PRKG1: variants seen among roughly 807,000 people sequenced by gnomAD.
PRKG1 encodes protein kinase cGMP-dependent 1, also known as cGMP-dependent protein kinase 1.
Under a neutral mutation model 88.1 loss-of-function variants are expected in PRKG1, and 35 were observed. The observed-to-expected ratio is 0.40, with a 90% CI of 0.30 to 0.53. The LOEUF (loss-of-function observed/expected upper bound fraction) is 0.53. Among genes scored for constraint, PRKG1 ranks in the 20% least tolerant of loss-of-function variants. The pLI is 0.59. For missense variants in PRKG1, 540 were observed against 839.8 expected (o/e 0.64, Z 4.41); for synonymous variants, 303 against 292.5 (o/e 1.04, Z -0.37).
chr10:51,037,227 TG>T (rs1221875444), intron 1 of PRKG1, among the ~76,000 whole-genome samples: 1 of 151,384 alleles, frequency 6.6e-6, no homozygotes, highest in Non-Finnish European at 1.5e-5. Flanking sequence ...GCAGGAGGAT[TG>T]TTTGAGTCCA....
chr10:51,716,821 T>C (rs934237703), intron 3 of PRKG1, among the ~76,000 whole-genome samples: 59 of 152,126 alleles, frequency 3.9e-4, no homozygotes, highest in African/African-American at 1.4e-3. Flanking sequence ...GCCTCCCAAG[T>C]GACTGGGATT....
chr10:51,909,341 CA>C (rs2132950585), intron 5 of PRKG1: 1 of 151,984 alleles, frequency 6.6e-6, no homozygotes, highest in African/African-American at 2.4e-5. Flanking sequence ...TCTGTGGGAC[CA>C]AATGCGGATG....
At chr10:51,220,376 T>C (rs998663992) in intron 2 of PRKG1, among the ~76,000 whole-genome samples, 7 of 152,200 alleles carry the variant, frequency 4.6e-5, no homozygotes, top group Non-Finnish European at 8.8e-5. Flanking sequence ...GCCACTAGGT[T>C]TCCATGAATT....
At chr10:51,561,295 A>C (rs1837454749) in intron 3 of PRKG1, among the ~76,000 whole-genome samples, 1 of 151,896 alleles carries the variant, frequency 6.6e-6, no homozygotes, top group Non-Finnish European at 1.5e-5. Context: ...ATGCCACTGC[A>C]CTCCAGCCTG....
At chr10:51,238,162 T>C (rs983576829) in intron 2 of PRKG1, among the ~76,000 whole-genome samples, 29 of 152,326 alleles carry the variant, frequency 1.9e-4, no homozygotes, top group African/African-American at 6.0e-4. Context: ...TCTTTTTCAC[T>C]GTAGCCAGGA....
At chr10:51,190,551 A>T (rs1025630957) in intron 2 of PRKG1, among the ~76,000 whole-genome samples, 2 of 151,860 alleles carry the variant, frequency 1.3e-5, no homozygotes, top group African/African-American at 4.8e-5. Flanking sequence ...CTAAAAAAAG[A>T]CCTAAAGAAC....
intron 3 of PRKG1, among the ~76,000 whole-genome samples, chr10:51,712,552 T>A (rs1206337425): frequency 6.6e-6 from 1 of 151,932 alleles, no homozygotes; most frequent in Non-Finnish European, 1.5e-5. Context: ...CTGTCTTTTT[T>A]ATAAATGTTG....
At chr10:51,363,158 T>C (rs1423546859) in intron 2 of PRKG1, among the ~76,000 whole-genome samples, 1 of 151,682 alleles carries the variant, frequency 6.6e-6, no homozygotes, top group Non-Finnish European at 1.5e-5. Context: ...ATGACAATCA[T>C]TGAATATTTT....
intron 3 of PRKG1, among the ~76,000 whole-genome samples, chr10:51,721,970 G>T (rs1483272049): frequency 6.6e-6 from 1 of 152,128 alleles, no homozygotes; most frequent in Non-Finnish European, 1.5e-5. Context: ...GGTGGCTTAC[G>T]CCTGTAATCC....
intron 9 of PRKG1, among the ~76,000 whole-genome samples, chr10:52,166,213 T>A (rs940141738): frequency 1.5e-5 from 2 of 132,370 alleles, no homozygotes; most frequent in Non-Finnish European, 3.2e-5. Context: ...ATTGATAATA[T>A]GTATTCATTC....
At chr10:51,691,118 G>A (rs189592674) in intron 3 of PRKG1, among the ~76,000 whole-genome samples, 48 of 150,580 alleles carry the variant, frequency 3.2e-4, no homozygotes, top group Non-Finnish European at 5.0e-4. Flanking sequence ...GCAAACATTT[G>A]TGGGCTAAAT....
chr10:51,293,030 C>T (rs970350062), intron 2 of PRKG1, among the ~76,000 whole-genome samples: 2 of 152,036 alleles, frequency 1.3e-5, no homozygotes, highest in Non-Finnish European at 2.9e-5. Context: ...TACATATTTG[C>T]TCTTACTTCT....
chr10:51,585,717 C>A (rs573574775), intron 3 of PRKG1, among the ~76,000 whole-genome samples: 1 of 152,170 alleles, frequency 6.6e-6, no homozygotes, highest in African/African-American at 2.4e-5. Context: ...TGGAATCAAC[C>A]TAGGAGCCCA....
intron 4 of PRKG1, among the ~76,000 whole-genome samples, chr10:51,855,731 A>G (rs894468467): frequency 1.4e-4 from 22 of 152,208 alleles, no homozygotes; most frequent in Non-Finnish European, 1.5e-5. Flanking sequence ...TACTACTTGG[A>G]AAATACTAAA....
intron 10 of PRKG1, among the ~76,000 whole-genome samples, chr10:52,265,968 T>C: frequency 6.6e-6 from 1 of 152,070 alleles, no homozygotes; most frequent in East Asian, 1.9e-4. Flanking sequence ...ATCTTGAGTA[T>C]TGAAATTTTC....
intron 3 of PRKG1, among the ~76,000 whole-genome samples, chr10:51,524,385 T>C (rs548728919): frequency 7.4e-4 from 113 of 152,242 alleles, no homozygotes; most frequent in Non-Finnish European, 1.4e-3. Flanking sequence ...AACTGTAGGT[T>C]TTGTAGTAGT....
In PRKG1 at chr10:51,379,442, A is replaced by G. The variant is rs191833115; in HGVS notation, c.479-88281A>G. 2.6e-5 allele frequency among the ~76,000 whole-genome samples: 4 copies of G among 152,358 alleles called. 1 individual carries two copies. Among genetic ancestry groups the G allele is most frequent in the South Asian group, 4.1e-4 (2 of 4,834 alleles). On this transcript the variant is annotated intron_variant, in intron 2 of 17. Transcript: ENST00000373980. Reference sequence around the variant, plus strand: ...AAGAGCATAAGAAGCAAAATATCCAAAAGATATTAGTTGCTGTGGTCATTA... The same window carrying G: ...AAGAGCATAAGAAGCAAAATATCCAGAAGATATTAGTTGCTGTGGTCATTA...
At chr10:51,615,327 T>C (rs1839020829) in intron 3 of PRKG1, among the ~76,000 whole-genome samples, 2 of 152,126 alleles carry the variant, frequency 1.3e-5, no homozygotes, top group Admixed American at 1.3e-4. Flanking sequence ...CTTTCTGCAT[T>C]ATATCTGTTT....
chr10:51,946,357 T>G (rs1228099642), intron 5 of PRKG1, among the ~76,000 whole-genome samples: 4 of 152,032 alleles, frequency 2.6e-5, no homozygotes, highest in Non-Finnish European at 4.4e-5. Flanking sequence ...AGTTATACAT[T>G]CGTCTAAATT....
Sources: allele counts gnomAD v4.1 joint callset (sites outside exome capture counted in the v4.1 genomes callset), GRCh38; gene constraint gnomAD v4.1.1; transcripts MANE v1.5; gene names NCBI Gene and HGNC (gene_info 2026-07-23, HGNC 2026-07-21).